Variants in CPLANE2 observed in about 807,000 individuals in gnomAD.
CPLANE2 encodes ciliogenesis and planar polarity effector 2.
CPLANE2 carries 24 observed loss-of-function variants against 20.9 expected under a neutral mutation model. The ratio of observed to expected loss-of-function variants is 1.15; its 90% CI spans 0.83 to 1.61. The LOEUF (loss-of-function observed/expected upper bound fraction) is 1.61. CPLANE2 is among the 40% of genes most tolerant of loss of function. CPLANE2 has a pLI of 0.00. For synonymous variants in CPLANE2, 132 were observed against 144.3 expected (o/e 0.92, Z 0.61); for missense variants, 330 against 355.1 (o/e 0.93, Z 0.57).
rs991802823 is a variant in CPLANE2 at position 16,231,762 on chromosome 1, T to C, written c.*286A>G. On this transcript the variant is annotated 3_prime_UTR_variant, in exon 5 of 5. Transcript: ENST00000375599. The stretch of plus-strand genomic sequence containing the variant: ...CACCTCAACCAATACAGGTTCTTGA[T>C]TGAAGTAACTTGAGAGGCACCCCCT... 3 of 526,416 alleles carry C rather than the reference T, an allele frequency of 5.7e-6. No individual in the cohort carries two copies. Among genetic ancestry groups the C allele is most frequent in the African/African-American group, 1.9e-5 (1 of 52,718 alleles). 32.6% of individuals were successfully genotyped at this position (526,416 alleles called of 1,614,324 possible). A position where few individuals can be genotyped will look rare whatever the true frequency, so the allele number is the denominator to read the frequency against.
chr1:16,235,333 C>T (rs2081456470), intron 1 of CPLANE2, among the ~76,000 whole-genome samples: 1 of 152,174 alleles, frequency 6.6e-6, no homozygotes, highest in Admixed American at 6.5e-5. Flanking sequence ...CTATGATGTT[C>T]CCAGAAAATC....
At chr1:16,235,697 T>G (rs907061720) in intron 1 of CPLANE2, among the ~76,000 whole-genome samples, 1 of 137,446 alleles carries the variant, frequency 7.3e-6, no homozygotes, top group Non-Finnish European at 1.6e-5. Flanking sequence ...TTTTTTTTTT[T>G]GAGACGGAGT....
chr1:16,234,178 T>A (rs2081446137), intron 1 of CPLANE2, among the ~76,000 whole-genome samples: 1 of 152,022 alleles, frequency 6.6e-6, no homozygotes, highest in South Asian at 2.1e-4. Flanking sequence ...GGCGGGCAGA[T>A]CACCTGAGGT....
chr1:16,235,987 A>AT (rs1263417562), intron 1 of CPLANE2, among the ~76,000 whole-genome samples: 3 of 152,150 alleles, frequency 2.0e-5, no homozygotes, highest in Non-Finnish European at 4.4e-5. Flanking sequence ...CTAGAGGGTC[A>AT]TTTTTTGAAT....
At chr1:16,232,403 T>A in intron 4 of CPLANE2, 106 bp from the exon 5 acceptor site, 1 of 1,540,484 alleles carries the variant, frequency 6.5e-7, no homozygotes, top group Non-Finnish European at 8.7e-7. Flanking sequence ...GGGGTAGCCA[T>A]GCTGTACCCT....
At chr1:16,235,911 C>CCT (rs2081461702) in intron 1 of CPLANE2, among the ~76,000 whole-genome samples, 1 of 152,092 alleles carries the variant, frequency 6.6e-6, no homozygotes, top group South Asian at 2.1e-4. Flanking sequence ...GAACTCCTGA[C>CCT]CTCAGGTGAT....
chr1:16,233,108 T>G, intron 2 of CPLANE2, 91 bp from the exon 3 acceptor site: 3 of 1,433,548 alleles, frequency 2.1e-6, no homozygotes, highest in African/African-American at 1.4e-5. Context: ...AAGAGATACA[T>G]CCCTGCCCTG....
chr1:16,232,236 A>G lies in CPLANE2; in HGVS notation c.589T>C (p.Trp197Arg), dbSNP rs946600473. ...ERDLTAFRQAWELPLLRVKSV... is the reference protein window; with the variant it reads ...ERDLTAFRQARELPLLRVKSV... ...TTCACCCGTAGCAGGGGCAGCTCCC[A>G]GGCCTGCCGGAAGGCTGTGAGGTCC... Residue 197 changes from tryptophan (W) to arginine (R), a missense_variant, in exon 5 of 5, where the codon TGG becomes CGG. Trp to Arg is a moderately radical substitution (Grantham distance 101). Transcript: ENST00000375599. 1.5e-5 allele frequency: 24 copies of G among 1,611,560 alleles called. No homozygotes were observed. Among genetic ancestry groups the G allele is most frequent in the Non-Finnish European group, 2.0e-5 (24 of 1,179,810 alleles).
chr1:16,233,996 T>C (rs2081445203), intron 1 of CPLANE2, among the ~76,000 whole-genome samples: 1 of 152,222 alleles, frequency 6.6e-6, no homozygotes, highest in African/African-American at 2.4e-5. Flanking sequence ...CCTTCTGCCT[T>C]CTGCCACGGG....
chr1:16,236,893 C>T lies in CPLANE2; in HGVS notation c.-151G>A. The T allele has an allele frequency of 3.1e-6, 2 of 639,644 alleles. No individual in the cohort carries two copies. Among genetic ancestry groups the T allele is most frequent in the Non-Finnish European group, 5.7e-6 (2 of 350,612 alleles). The allele number at this position is 639,644 out of a possible 1,614,324, so 39.6% of individuals were successfully genotyped here. A position where few individuals can be genotyped will look rare whatever the true frequency, so the allele number is the denominator to read the frequency against. ...CCAGAAAGTGCAGTCCCTCAGCCGCCTCTCTCCTTCGCAATGCTCCCTGGG... is the reference window on the plus strand; with the variant it reads ...CCAGAAAGTGCAGTCCCTCAGCCGCTTCTCTCCTTCGCAATGCTCCCTGGG... On this transcript the variant is annotated 5_prime_UTR_variant, in exon 1 of 5. Transcript: ENST00000375599.
chr1:16,233,728 G>C lies in CPLANE2; in HGVS notation c.149C>G (p.Ser50Cys), dbSNP rs536483717. 1 of 1,614,160 alleles carries C rather than the reference G, an allele frequency of 6.2e-7. No individual in the cohort carries two copies. Among genetic ancestry groups the C allele is most frequent in the South Asian group, 1.1e-5 (1 of 91,088 alleles). The change falls in exon 2 of 5, where the codon TCC (serine) becomes TGC (cysteine). Residue 50 changes from serine to cysteine, a missense_variant. Coordinates refer to ENST00000375599, the MANE Select transcript of CPLANE2 (RefSeq NM_030907.4). The part of the protein sequence containing the change: ...LERPVLLPPV[S>C]IDTASYKIFV... ...GATCTTGTAGCTGGCAGTGTCAATG[G>C]ACACAGGCGGCAGCAGCACTGGCCG...
At position 16,231,893 on chromosome 1, in the gene CPLANE2, A is replaced by G; in HGVS notation, c.*155T>C. ...TCCCTGCCATGAATTCTGCAAGGAA[A>G]GCGCTGCTCGCGGGTGGGCCTTCTC... On this transcript the variant is annotated 3_prime_UTR_variant, in exon 5 of 5. Coordinates refer to ENST00000375599, the MANE Select transcript of CPLANE2 (RefSeq NM_030907.4). 1.8e-6 allele frequency: 2 copies of G among 1,083,060 alleles called. No individual in the cohort carries two copies. Among genetic ancestry groups the G allele is most frequent in the Non-Finnish European group, 2.6e-6 (2 of 763,466 alleles). 67.1% of individuals were successfully genotyped at this position (1,083,060 alleles called of 1,614,324 possible).
At chr1:16,233,894 C>CACA in intron 1 of CPLANE2, 130 bp from the exon 2 acceptor site, 1 of 950,120 alleles carries the variant, frequency 1.1e-6, no homozygotes, top group Non-Finnish European at 1.6e-6. Flanking sequence ...ACAAGGTGAT[C>CACA]AGCTGCCCTC....
rs1310277877 is a variant in CPLANE2 at position 16,232,291 on chromosome 1, G to T, written c.534C>A (p.Asp178Glu). The T allele has an allele frequency of 1.2e-6, 2 of 1,605,126 alleles. No individual in the cohort carries two copies. The highest frequency in any genetic ancestry group is 1.7e-6 in the Non-Finnish European group (2 of 1,177,062). ...CGGGCACGTCCGTGTGCATGTACTGGTCAAATCTGGAGGAGGGTCAAGGAG... is the reference window on the plus strand; with the variant it reads ...CGGGCACGTCCGTGTGCATGTACTGTTCAAATCTGGAGGAGGGTCAAGGAG... ...VVRMVIGSKFDQYMHTDVPER... is the reference protein window; with the variant it reads ...VVRMVIGSKFEQYMHTDVPER... Residue 178 changes from aspartate (D) to glutamate (E), a missense_variant, in exon 5 of 5, where the codon GAC becomes GAA. Asp to Glu is a conservative substitution (Grantham distance 45). Transcript: ENST00000375599.
chr1:16,232,339 GCCC>G (rs1557558067), intron 4 of CPLANE2, 42 bp from the exon 5 acceptor site: 1 of 1,569,200 alleles, frequency 6.4e-7, no homozygotes, highest in Admixed American at 1.8e-5. Flanking sequence ...CCTCTGCACA[GCCC>G]CCCATCAGAC....
chr1:16,234,912 T>TG (rs1226288997), intron 1 of CPLANE2, among the ~76,000 whole-genome samples: 2 of 152,048 alleles, frequency 1.3e-5, no homozygotes, highest in Non-Finnish European at 2.9e-5. Flanking sequence ...TTTTTAGAGA[T>TG]GGGGTTTCTC....
intron 1 of CPLANE2, among the ~76,000 whole-genome samples, chr1:16,234,120 C>T (rs1241722559): frequency 1.3e-5 from 2 of 152,130 alleles, no homozygotes; most frequent in Non-Finnish European, 2.9e-5. Flanking sequence ...ACAGAGGAGG[C>T]CTGGTGCGGT....
intron 1 of CPLANE2, 89 bp from the exon 2 acceptor site, chr1:16,233,853 A>C: frequency 1.4e-6 from 2 of 1,437,552 alleles, no homozygotes; most frequent in Non-Finnish European, 1.9e-6. Flanking sequence ...CTTAATCGCC[A>C]ATGCACCAGT....
At chr1:16,235,318 G>A (rs1569779107) in intron 1 of CPLANE2, among the ~76,000 whole-genome samples, 1 of 152,152 alleles carries the variant, frequency 6.6e-6, no homozygotes, top group South Asian at 2.1e-4. Context: ...TATGGTCAGT[G>A]GATTCTATGA....
Sources: allele counts gnomAD v4.1 joint callset (sites outside exome capture counted in the v4.1 genomes callset), GRCh38; gene constraint gnomAD v4.1.1; transcripts MANE v1.5; gene names NCBI Gene and HGNC (gene_info 2026-07-23, HGNC 2026-07-21).